Variants in EXOC2 observed in about 807,000 individuals in gnomAD.
The protein encoded by EXOC2 is SEC5-like 1.
A neutral mutation model predicts 131.8 loss-of-function variants in EXOC2; 70 were observed. That is an observed-to-expected ratio of 0.53 (90% CI 0.44 to 0.65). The LOEUF (loss-of-function observed/expected upper bound fraction) is 0.65. Ranked by LOEUF, EXOC2 falls within the 30% of genes least tolerant of loss-of-function variation. EXOC2 has a pLI of 0.00. For synonymous variants in EXOC2, 411 were observed against 398.4 expected (o/e 1.03, Z -0.38); for missense variants, 923 against 1,108.6 (o/e 0.83, Z 2.38).
At chr6:495,703 C>T (rs755438716) in intron 25 of EXOC2, among the ~76,000 whole-genome samples, 2 of 152,148 alleles carry the variant, frequency 1.3e-5, no homozygotes, top group Non-Finnish European at 2.9e-5. Flanking sequence ...CTACTAGAGT[C>T]AGTCTTTAAT....
At chr6:594,151 C>T (rs1011168978) in intron 10 of EXOC2, among the ~76,000 whole-genome samples, 1 of 152,206 alleles carries the variant, frequency 6.6e-6, no homozygotes, top group Non-Finnish European at 1.5e-5. Flanking sequence ...CACCAGCACT[C>T]CTCCTCATAA....
chr6:638,985 G>A (rs914841551), intron 1 of EXOC2, among the ~76,000 whole-genome samples: 16 of 151,990 alleles, frequency 1.1e-4, no homozygotes, highest in African/African-American at 3.4e-4. Context: ...CAAGTGCTCA[G>A]GGCTTCAGAT....
intron 1 of EXOC2, among the ~76,000 whole-genome samples, chr6:680,906 G>C (rs1764374042): frequency 6.6e-6 from 1 of 152,170 alleles, no homozygotes; most frequent in African/African-American, 2.4e-5. Context: ...CAGTGAAACG[G>C]TGGCCGGGCT....
intron 22 of EXOC2, among the ~76,000 whole-genome samples, chr6:545,493 A>C (rs1253201966): frequency 6.6e-6 from 1 of 152,186 alleles, no homozygotes; most frequent in East Asian, 1.9e-4. Context: ...TTAACTCTCT[A>C]AGAGCCTTCA....
At chr6:662,120 T>C (rs1211262362) in intron 1 of EXOC2, among the ~76,000 whole-genome samples, 1 of 152,078 alleles carries the variant, frequency 6.6e-6, no homozygotes, top group Non-Finnish European at 1.5e-5. Context: ...CCTAAACATA[T>C]ATGCACTAAA....
intron 1 of EXOC2, among the ~76,000 whole-genome samples, chr6:665,380 C>A (rs946839555): frequency 6.6e-6 from 1 of 152,148 alleles, no homozygotes; most frequent in Non-Finnish European, 1.5e-5. Flanking sequence ...TGTGGAGATT[C>A]CTTAAAGAAC....
intron 23 of EXOC2, among the ~76,000 whole-genome samples, chr6:513,430 A>C (rs1370094571): frequency 6.6e-6 from 1 of 152,256 alleles, no homozygotes; most frequent in East Asian, 1.9e-4. Context: ...CCAAGCACAC[A>C]CACCAATTTT....
intron 1 of EXOC2, chr6:656,682 G>T (rs747503042): frequency 6.2e-7 from 1 of 1,606,926 alleles, no homozygotes; most frequent in Non-Finnish European, 8.5e-7. Context: ...CGCCGCCCGG[G>T]ACAGGTGCTC....
chr6:691,048 T>C (rs1293091882), intron 1 of EXOC2, among the ~76,000 whole-genome samples: 1 of 152,226 alleles, frequency 6.6e-6, no homozygotes, highest in Non-Finnish European at 1.5e-5. Flanking sequence ...TGGATTAAGA[T>C]GCGTAAACTG....
At chr6:489,576 G>A (rs1763300224) in intron 26 of EXOC2, among the ~76,000 whole-genome samples, 2 of 152,268 alleles carry the variant, frequency 1.3e-5, no homozygotes, top group South Asian at 2.1e-4. Flanking sequence ...TTTACATGAA[G>A]GTAAAAGGAA....
At chr6:527,759 A>G (rs1419388008) in intron 23 of EXOC2, among the ~76,000 whole-genome samples, 1 of 152,236 alleles carries the variant, frequency 6.6e-6, no homozygotes, top group African/African-American at 2.4e-5. Flanking sequence ...GCACATTTGA[A>G]TCAAAAATAA....
At chr6:530,467 G>A (rs561569022) in intron 23 of EXOC2, among the ~76,000 whole-genome samples, 145 of 152,294 alleles carry the variant, frequency 9.5e-4, no homozygotes, top group African/African-American at 3.3e-3. Flanking sequence ...CATTTCCCGC[G>A]GGCACAGAGA....
chr6:613,695 C>T (rs955194907), intron 6 of EXOC2, among the ~76,000 whole-genome samples: 36 of 151,966 alleles, frequency 2.4e-4, no homozygotes, highest in Non-Finnish European at 2.9e-4. Context: ...AGAAGGAAAC[C>T]GGGAGGAGGC....
chr6:545,627 C>T lies in EXOC2; in HGVS notation c.2238+3548G>A, dbSNP rs1007134731. The stretch of plus-strand genomic sequence containing the variant: ...TATTTTAACCTATCGAATTAAACAT[C>T]GTAATTAAAAAGATGACAGAAATGT... On this transcript the variant is annotated intron_variant, in intron 22 of 27. Transcript: ENST00000230449. Among the ~76,000 whole-genome samples, 10 of 152,090 alleles carry T rather than the reference C, an allele frequency of 6.6e-5. 1 individual carries two copies. Among genetic ancestry groups the T allele is most frequent in the East Asian group, 1.9e-4 (1 of 5,198 alleles).
At chr6:498,185 T>C (rs1269882848) in intron 24 of EXOC2, among the ~76,000 whole-genome samples, 3 of 152,190 alleles carry the variant, frequency 2.0e-5, no homozygotes, top group Non-Finnish European at 2.9e-5. Context: ...AAACATAACT[T>C]GAGTGTCCAA....
At chr6:532,756 A>G (rs1486296099) in intron 22 of EXOC2, 146 bp from the exon 23 acceptor site, 2 of 742,028 alleles carry the variant, frequency 2.7e-6, no homozygotes, top group Non-Finnish European at 3.9e-6. Flanking sequence ...TATTTTCAGT[A>G]ACAAAGATCT....
At chr6:641,120 G>T (rs1169763399) in intron 1 of EXOC2, among the ~76,000 whole-genome samples, 1 of 152,060 alleles carries the variant, frequency 6.6e-6, no homozygotes, top group East Asian at 1.9e-4. Flanking sequence ...ATGTGTGTTT[G>T]GGGGCAGGCA....
chr6:664,033 T>C (rs533463256), intron 1 of EXOC2, among the ~76,000 whole-genome samples: 1 of 152,300 alleles, frequency 6.6e-6, no homozygotes, highest in African/African-American at 2.4e-5. Flanking sequence ...CCTTGAAAAC[T>C]CTAAGGACTC....
intron 1 of EXOC2, among the ~76,000 whole-genome samples, chr6:671,588 AC>A (rs1763873708): frequency 6.6e-6 from 1 of 152,198 alleles, no homozygotes; most frequent in Admixed American, 6.5e-5. Flanking sequence ...TCCCTAAAGA[AC>A]AACTTTTAAC....
Sources: gnomAD v4.1 joint callset for allele counts (sites outside exome capture counted in the v4.1 genomes callset) on GRCh38, gnomAD v4.1.1 for gene constraint, MANE v1.5 for transcripts, NCBI Gene and HGNC (gene_info 2026-07-23, HGNC 2026-07-21) for gene names.